The following RUNDC3B variants were observed in gnomAD, a reference collection of about 807,000 sequenced individuals.
RUNDC3B encodes RUN domain containing 3B.
In RUNDC3B, 33 loss-of-function variants were observed where a neutral mutation model predicts 58.4. The ratio of observed to expected loss-of-function variants is 0.56; its 90% CI spans 0.43 to 0.75. The LOEUF (loss-of-function observed/expected upper bound fraction) is 0.75, where lower values mean the gene tolerates loss of function less well. RUNDC3B is among the 30% of genes least tolerant of loss of function. The pLI is 0.00. For missense variants in RUNDC3B, 501 were observed against 535.7 expected (o/e 0.94, Z 0.64); for synonymous variants, 193 against 195.2 (o/e 0.99, Z 0.10).
At chr7:87,800,653 C>CTTTTTTT (rs571588791) in intron 8 of RUNDC3B, among the ~76,000 whole-genome samples, 1 of 137,606 alleles carries the variant, frequency 7.3e-6, no homozygotes, top group Non-Finnish European at 1.6e-5. Context: ...CTTTTCTTTT[C>CTTTTTTT]TTTTTTTTTT....
chr7:87,651,009 T>C, intron 2 of RUNDC3B, 72 bp downstream of exon 2: 2 of 867,660 alleles, frequency 2.3e-6, no homozygotes, highest in Non-Finnish European at 3.8e-6. Flanking sequence ...TTAGAAATCA[T>C]ACAGTCTGTG....
At chr7:87,657,767 A>C (rs1563109329) in intron 2 of RUNDC3B, among the ~76,000 whole-genome samples, 1 of 152,154 alleles carries the variant, frequency 6.6e-6, no homozygotes, top group Non-Finnish European at 1.5e-5. Context: ...ATGCCAGTGG[A>C]AACCATGTAG....
At chr7:87,641,060 T>C (rs891134405) in intron 1 of RUNDC3B, among the ~76,000 whole-genome samples, 1 of 152,222 alleles carries the variant, frequency 6.6e-6, no homozygotes, top group African/African-American at 2.4e-5. Flanking sequence ...TTCTTTGTCA[T>C]GTATGTTCTA....
intron 2 of RUNDC3B, among the ~76,000 whole-genome samples, chr7:87,699,455 G>T (rs1421839347): frequency 6.6e-6 from 1 of 152,104 alleles, no homozygotes; most frequent in African/African-American, 2.4e-5. Context: ...TCAGGCTGGG[G>T]TGCAGTGGCT....
chr7:87,796,841 G>C (rs1201698543), intron 8 of RUNDC3B, among the ~76,000 whole-genome samples: 1 of 152,134 alleles, frequency 6.6e-6, no homozygotes, highest in Non-Finnish European at 1.5e-5. Context: ...GTAATTTAAA[G>C]CTGTATGAAG....
rs556918693 is a variant in RUNDC3B, at chr7:87,818,186, T to G, written c.1225+1924T>G. ...AAAGACATTTAGGATTTTATTCTAATTTTTAATTATAGGTATTTTGATATC... is the reference window on the plus strand; with the variant it reads ...AAAGACATTTAGGATTTTATTCTAAGTTTTAATTATAGGTATTTTGATATC... On this transcript the variant is annotated intron_variant, in intron 10 of 10. Coordinates refer to ENST00000394654, the MANE Select transcript of RUNDC3B (RefSeq NM_001134405.2). Among the ~76,000 whole-genome samples the G allele has an allele frequency of 2.2e-4, 34 of 152,324 alleles. No homozygotes were observed. The South Asian group carries it at 6.8e-3, about 31-fold the overall frequency.
chr7:87,725,970 C>T (rs940343338), intron 4 of RUNDC3B, among the ~76,000 whole-genome samples: 3 of 152,086 alleles, frequency 2.0e-5, no homozygotes, highest in Non-Finnish European at 2.9e-5. Context: ...TGCCTGAGTT[C>T]TTTGTAGATT....
intron 1 of RUNDC3B, among the ~76,000 whole-genome samples, chr7:87,648,029 C>CA (rs1823194766): frequency 1.3e-5 from 2 of 151,462 alleles, no homozygotes; most frequent in Non-Finnish European, 1.5e-5. Context: ...CTAAAAAATA[C>CA]AAAAAATTAG....
chr7:87,727,621 C>G (rs1475860464), intron 4 of RUNDC3B, among the ~76,000 whole-genome samples: 1 of 151,884 alleles, frequency 6.6e-6, no homozygotes, highest in Non-Finnish European at 1.5e-5. Context: ...AAACAAAGAT[C>G]GACTAGGAAA....
intron 4 of RUNDC3B, among the ~76,000 whole-genome samples, chr7:87,729,569 G>A (rs1831456735): frequency 1.3e-5 from 2 of 152,072 alleles, no homozygotes; most frequent in South Asian, 2.1e-4. Flanking sequence ...TCAGTGGTAG[G>A]AGCCTGAGTT....
At chr7:87,733,939 T>C (rs957776721) in intron 4 of RUNDC3B, among the ~76,000 whole-genome samples, 1 of 152,166 alleles carries the variant, frequency 6.6e-6, no homozygotes, top group East Asian at 1.9e-4. Context: ...ATGAAGAACT[T>C]TTACAACTCA....
intron 6 of RUNDC3B, among the ~76,000 whole-genome samples, chr7:87,763,113 A>G (rs1156706820): frequency 6.6e-6 from 1 of 151,518 alleles, no homozygotes; most frequent in East Asian, 1.9e-4. Flanking sequence ...ATGATACCCC[A>G]TTAATTTTAA....
intron 10 of RUNDC3B, among the ~76,000 whole-genome samples, chr7:87,818,045 G>T (rs1458853412): frequency 6.6e-6 from 1 of 151,990 alleles, no homozygotes; most frequent in Admixed American, 6.6e-5. Flanking sequence ...TAATATTTTA[G>T]TACTTTTTTT....
intron 4 of RUNDC3B, among the ~76,000 whole-genome samples, chr7:87,715,852 A>C (rs1830525560): frequency 6.6e-6 from 1 of 152,020 alleles, no homozygotes; most frequent in Non-Finnish European, 1.5e-5. Flanking sequence ...GAGGGAATGG[A>C]GAATGGAAAA....
chr7:87,763,910 A>C (rs545824102), intron 6 of RUNDC3B, among the ~76,000 whole-genome samples: 2 of 151,934 alleles, frequency 1.3e-5, no homozygotes, highest in South Asian at 4.1e-4. Context: ...CATAGTCAGG[A>C]GCCCAACAGA....
intron 4 of RUNDC3B, among the ~76,000 whole-genome samples, chr7:87,733,258 A>T (rs1220954150): frequency 6.6e-6 from 1 of 152,188 alleles, no homozygotes; most frequent in Non-Finnish European, 1.5e-5. Context: ...ACGTCCATTC[A>T]TAGGCTCTCT....
At chr7:87,715,339 T>C (rs1409501305) in intron 4 of RUNDC3B, among the ~76,000 whole-genome samples, 1 of 121,128 alleles carries the variant, frequency 8.3e-6, no homozygotes, top group Non-Finnish European at 1.6e-5. Context: ...ATATAATTAA[T>C]TTATAATAAT....
chr7:87,751,910 T>G (rs1041471850), intron 6 of RUNDC3B, among the ~76,000 whole-genome samples: 1 of 152,158 alleles, frequency 6.6e-6, no homozygotes, highest in Non-Finnish European at 1.5e-5. Flanking sequence ...TCCAAAACTA[T>G]GTTGAATAGG....
At chr7:87,752,730 A>G (rs1833092889) in intron 6 of RUNDC3B, among the ~76,000 whole-genome samples, 1 of 151,994 alleles carries the variant, frequency 6.6e-6, no homozygotes, top group Non-Finnish European at 1.5e-5. Context: ...TATCCCCTTT[A>G]TCATTTTTTA....
Sources: gnomAD v4.1 joint callset for allele counts (sites outside exome capture counted in the v4.1 genomes callset) on GRCh38, gnomAD v4.1.1 for gene constraint, MANE v1.5 for transcripts, NCBI Gene and HGNC (gene_info 2026-07-23, HGNC 2026-07-21) for gene names.